The following PDE4D variants were observed in gnomAD, a reference collection of about 807,000 sequenced individuals.
The protein encoded by PDE4D is phosphodiesterase 4D, also known as 3',5'-cyclic-AMP phosphodiesterase 4D.
Under a neutral mutation model 87.4 loss-of-function variants are expected in PDE4D, and 24 were observed. The observed-to-expected ratio is 0.27, with a 90% confidence interval of 0.20 to 0.39. The LOEUF is 0.39. Ranked by LOEUF, PDE4D falls within the 10% of genes least tolerant of loss-of-function variation. PDE4D has a pLI of 1.00. For missense variants in PDE4D, 714 were observed against 1,041.0 expected, an observed-to-expected ratio of 0.69 and a Z score of 4.32; for synonymous variants, 384 against 383.2, an observed-to-expected ratio of 1.00 and a Z score of -0.02.
At chr5:59,780,909 G>A (rs373691091) in intron 1 of PDE4D, among the ~76,000 whole-genome samples, 10 of 152,144 alleles carry the variant, frequency 6.6e-5, no homozygotes, top group African/African-American at 2.4e-4. Flanking sequence ...GCTCATGCCT[G>A]TAATCCCAGC....
chr5:59,180,250 A>G (rs559214562), intron 5 of PDE4D: 2 of 417,624 alleles, frequency 4.8e-6, no homozygotes, highest in African/African-American at 2.1e-5. Context: ...ATGACATATT[A>G]TATCATGCTA....
chr5:59,670,837 ACTTT>A (rs904818948), intron 1 of PDE4D, among the ~76,000 whole-genome samples: 2 of 151,898 alleles, frequency 1.3e-5, no homozygotes, highest in Non-Finnish European at 2.9e-5. Flanking sequence ...GAGAGTTTTT[ACTTT>A]TTTTTTTTAA....
intron 1 of PDE4D, among the ~76,000 whole-genome samples, chr5:60,188,026 T>C (rs573136674): frequency 6.6e-6 from 1 of 152,316 alleles, no homozygotes; most frequent in African/African-American, 2.4e-5. Context: ...TCATCATCCA[T>C]CATCACTACC....
At chr5:60,210,983 G>A (rs948671113) in intron 1 of PDE4D, among the ~76,000 whole-genome samples, 8 of 152,164 alleles carry the variant, frequency 5.3e-5, no homozygotes, top group African/African-American at 1.9e-4. Context: ...TGGCGGGGGC[G>A]GAGAGCCTGG....
intron 1 of PDE4D, among the ~76,000 whole-genome samples, chr5:59,302,095 C>T (rs184605178): frequency 3.3e-5 from 5 of 152,166 alleles, no homozygotes; most frequent in African/African-American, 1.2e-4. Flanking sequence ...AGACCAGTAA[C>T]GAAAAATTGT....
chr5:60,186,706 G>A (rs1242907859), intron 1 of PDE4D, among the ~76,000 whole-genome samples: 1 of 152,128 alleles, frequency 6.6e-6, no homozygotes, highest in Non-Finnish European at 1.5e-5. Context: ...AAAAACATGT[G>A]TCTGAGACTT....
intron 1 of PDE4D, among the ~76,000 whole-genome samples, chr5:60,200,793 A>G (rs920207873): frequency 3.9e-5 from 6 of 152,154 alleles, no homozygotes; most frequent in African/African-American, 1.4e-4. Flanking sequence ...GAGTTTACAC[A>G]CTCTGGAATG....
chr5:59,427,604 CAGG>C (rs1056986198), intron 1 of PDE4D, among the ~76,000 whole-genome samples: 4 of 151,998 alleles, frequency 2.6e-5, no homozygotes, highest in Non-Finnish European at 5.9e-5. Flanking sequence ...GAGGCCAAGG[CAGG>C]AGGGTCATTT....
At chr5:59,073,817 T>C (rs1294181161) in intron 5 of PDE4D, among the ~76,000 whole-genome samples, 2 of 152,204 alleles carry the variant, frequency 1.3e-5, no homozygotes, top group African/African-American at 4.8e-5. Context: ...GAACTTCTGG[T>C]AAAGTTTTTA....
chr5:58,986,030 A>C (rs1746344200), intron 11 of PDE4D, among the ~76,000 whole-genome samples: 1 of 152,224 alleles, frequency 6.6e-6, no homozygotes, highest in African/African-American at 2.4e-5. Context: ...ACACAGCCTC[A>C]TCACACCTCA....
chr5:59,572,748 G>A (rs1239166206), intron 1 of PDE4D, among the ~76,000 whole-genome samples: 1 of 152,270 alleles, frequency 6.6e-6, no homozygotes, highest in East Asian at 1.9e-4. Context: ...CCAAAGTGCT[G>A]GGATTACAGG....
chr5:59,070,908 GGGATGTT>G (rs1296399237), intron 5 of PDE4D, among the ~76,000 whole-genome samples: 1 of 152,092 alleles, frequency 6.6e-6, no homozygotes, highest in Non-Finnish European at 1.5e-5. Context: ...CTGTCACTTT[GGGATGTT>G]CTTTCCTTAT....
At chr5:60,004,895 G>A (rs1046052930) in intron 2 of PDE4D, among the ~76,000 whole-genome samples, 2 of 152,088 alleles carry the variant, frequency 1.3e-5, no homozygotes, top group Admixed American at 6.6e-5. Context: ...ACAGTATGAA[G>A]ATTCCTCAAA....
chr5:60,011,427 C>T (rs751772993), intron 2 of PDE4D, among the ~76,000 whole-genome samples: 6 of 152,160 alleles, frequency 3.9e-5, no homozygotes, highest in Admixed American at 1.3e-4. Context: ...TTGGCAAAAA[C>T]GAGAAGTCTG....
chr5:59,506,825 T>C (rs1809351009), intron 1 of PDE4D, among the ~76,000 whole-genome samples: 1 of 151,932 alleles, frequency 6.6e-6, no homozygotes, highest in Non-Finnish European at 1.5e-5. Flanking sequence ...TCTTAGAAAA[T>C]AGAGAATATT....
At chr5:60,070,975 T>G (rs1449141762) in intron 2 of PDE4D, among the ~76,000 whole-genome samples, 1 of 152,084 alleles carries the variant, frequency 6.6e-6, no homozygotes, top group Non-Finnish European at 1.5e-5. Flanking sequence ...ACATAATTGT[T>G]CATAGTTATC....
intron 1 of PDE4D, among the ~76,000 whole-genome samples, chr5:59,669,463 C>T (rs1275926950): frequency 6.6e-6 from 1 of 152,138 alleles, no homozygotes; most frequent in African/African-American, 2.4e-5. Flanking sequence ...ATGTATAATT[C>T]AAAATAAATA....
At chr5:59,515,017 G>A (rs142004415) in intron 1 of PDE4D, among the ~76,000 whole-genome samples, 1 of 152,294 alleles carries the variant, frequency 6.6e-6, no homozygotes, top group Non-Finnish European at 1.5e-5. Context: ...GTATATTTGT[G>A]TGCATATGGC....
At position 59,113,931 on chromosome 5, in the gene PDE4D, C is replaced by T. The variant is rs866683679; in HGVS notation, c.808+66664G>A. Among the ~76,000 whole-genome samples, 6 of 152,258 alleles carry T rather than the reference C, an allele frequency of 3.9e-5. No homozygotes were observed. In the Middle Eastern group the frequency reaches 0.017, roughly 432 times the overall value. ...ATTGAGATATTGAGTGTAACTAGGC[C>T]ACTGTTACTGCTACTACCATACACT... On this transcript the variant is annotated intron_variant, in intron 5 of 14. Transcript: ENST00000340635.
Sources: gnomAD v4.1 joint callset for allele counts (sites outside exome capture counted in the v4.1 genomes callset) on GRCh38, gnomAD v4.1.1 for gene constraint, MANE v1.5 for transcripts, NCBI Gene and HGNC (gene_info 2026-07-23, HGNC 2026-07-21) for gene names.